Variants in AVEN observed in about 807,000 individuals in gnomAD.
AVEN encodes the protein cell death regulator Aven.
A neutral mutation model predicts 38.1 loss-of-function variants in AVEN; 41 were observed. The observed-to-expected ratio is 1.08, with a 90% CI of 0.84 to 1.40. The LOEUF is 1.40. AVEN is among the 40% of genes most tolerant of loss of function. AVEN has a pLI of 0.00. For missense variants in AVEN, 605 were observed against 438.8 expected, an observed-to-expected ratio of 1.38 and a Z score of -3.38; for synonymous variants, 206 against 171.8, an observed-to-expected ratio of 1.20 and a Z score of -1.56.
chr15:33,952,854 A>AAG (rs1299339980), intron 2 of AVEN, among the ~76,000 whole-genome samples: 1 of 150,642 alleles, frequency 6.6e-6, no homozygotes, highest in African/African-American at 2.4e-5. Flanking sequence ...TAAGAGGCTA[A>AAG]AGAGAAAAAA....
chr15:33,952,369 C>G (rs1158111060), intron 2 of AVEN, among the ~76,000 whole-genome samples: 1 of 152,158 alleles, frequency 6.6e-6, no homozygotes, highest in Non-Finnish European at 1.5e-5. Context: ...CTAAATCTAT[C>G]CTACTTTATC....
chr15:34,064,347 G>A (rs1052794967), intron 4 of AVEN: 4 of 1,583,944 alleles, frequency 2.5e-6, no homozygotes, highest in African/African-American at 1.4e-5. Flanking sequence ...AAAGAACAAT[G>A]ACCACAGTCA....
At chr15:34,049,519 A>T (rs1442524229) in intron 5 of AVEN, among the ~76,000 whole-genome samples, 3 of 152,224 alleles carry the variant, frequency 2.0e-5, no homozygotes, top group Admixed American at 6.5e-5. Context: ...AAAGAATGAA[A>T]AGGATCATGG....
At chr15:33,861,239 C>A, downstream of AVEN, 2 of 1,219,198 alleles carry the variant, frequency 1.6e-6, no homozygotes, top group South Asian at 2.6e-5. Context: ...CCAATTAGGT[C>A]ATATAGTTCA....
At chr15:34,064,187 C>T (rs375671129) in intron 4 of AVEN, 2 of 1,614,068 alleles carry the variant, frequency 1.2e-6, no homozygotes, top group African/African-American at 2.7e-5. Flanking sequence ...ATAGCACTGT[C>T]AACCCCATCT....
At chr15:33,865,788 T>G (rs888963924), downstream of AVEN, 1 of 153,080 alleles carries the variant, frequency 6.5e-6, no homozygotes, top group Non-Finnish European at 1.5e-5. Flanking sequence ...TAAAACCTCT[T>G]TAGACATAGC....
chr15:34,012,793 G>A (rs1453594635), intron 1 of AVEN, among the ~76,000 whole-genome samples: 1 of 152,124 alleles, frequency 6.6e-6, no homozygotes, highest in Non-Finnish European at 1.5e-5. Flanking sequence ...ACCTAGATAG[G>A]TCAAGCCTCT....
At chr15:33,967,006 G>A (rs1895413028) in intron 2 of AVEN, among the ~76,000 whole-genome samples, 1 of 152,062 alleles carries the variant, frequency 6.6e-6, no homozygotes, top group Admixed American at 6.5e-5. Flanking sequence ...TTAATAATCA[G>A]TGGCTTAAAA....
intron 4 of AVEN, chr15:34,065,214 T>G (rs1900478814): frequency 1.3e-5 from 2 of 152,598 alleles, no homozygotes; most frequent in South Asian, 4.1e-4. Flanking sequence ...ACTAATTGTG[T>G]AAGAGCCCTT....
intron 1 of AVEN, among the ~76,000 whole-genome samples, chr15:34,035,998 G>T (rs1465099284): frequency 6.6e-6 from 1 of 151,976 alleles, no homozygotes; most frequent in Non-Finnish European, 1.5e-5. Context: ...GTCTCGTTAT[G>T]TTGCCCAGTC....
chr15:33,860,980 A>G, intron 11 of AVEN: 1 of 985,060 alleles, frequency 1.0e-6, no homozygotes, highest in Non-Finnish European at 1.6e-6. Flanking sequence ...ATTAGAAAGA[A>G]AGTTTTCATT....
rs567305186 is a variant in AVEN at position 33,949,375 on chromosome 15, C to T, written c.445+53657G>A. On this transcript the variant is annotated intron_variant, in intron 2 of 5. Transcript: ENST00000306730. ...GGGGTCTATAGTTATCGTTAATTTACGCTATATTTCAAAATATCTATAAGA... is the reference window on the plus strand; with the variant it reads ...GGGGTCTATAGTTATCGTTAATTTATGCTATATTTCAAAATATCTATAAGA... 7.9e-5 allele frequency among the ~76,000 whole-genome samples: 12 copies of T among 152,268 alleles called. No homozygotes were observed. In the East Asian group the frequency reaches 1.2e-3, roughly 15 times the overall value.
At position 34,064,272 on chromosome 15, in the gene AVEN, G is replaced by A. The variant is rs771923772; in HGVS notation, n.1127-840C>T. 6 of 1,613,954 alleles carry A rather than the reference G, an allele frequency of 3.7e-6. No individual in the cohort carries two copies. In the Admixed American group the frequency reaches 8.3e-5, roughly 22 times the overall value. On this transcript the variant is annotated intron_variant and non_coding_transcript_variant, in intron 4 of 11. Transcript: ENST00000675287. ...TCTCTGCCGATGGAAAAAGAAAAAAGTGGAAGAGAAGTTGTACTGGCAGGG... is the reference window on the plus strand; with the variant it reads ...TCTCTGCCGATGGAAAAAGAAAAAAATGGAAGAGAAGTTGTACTGGCAGGG...
At chr15:33,865,295 G>A (rs1890132090), downstream of AVEN, 1 of 1,046,758 alleles carries the variant, frequency 9.6e-7, no homozygotes, top group South Asian at 1.4e-5. Flanking sequence ...CCTTTTTACA[G>A]TTCTGCAACA....
downstream of AVEN, among the ~76,000 whole-genome samples, chr15:33,855,453 C>G (rs532143627): frequency 6.6e-6 from 1 of 152,234 alleles, no homozygotes; most frequent in Non-Finnish European, 1.5e-5. Context: ...ATCCACCCGC[C>G]TCGGCCTCCC....
chr15:33,855,178 G>A (rs376216890), downstream of AVEN, among the ~76,000 whole-genome samples: 2 of 152,070 alleles, frequency 1.3e-5, no homozygotes, highest in East Asian at 1.9e-4. Context: ...GGGAGGTGAT[G>A]GACATGTCAG....
intron 2 of AVEN, among the ~76,000 whole-genome samples, chr15:33,955,287 A>G (rs1894913514): frequency 1.3e-5 from 2 of 152,216 alleles, no homozygotes; most frequent in African/African-American, 2.4e-5. Flanking sequence ...TCTAGATAGC[A>G]ACCAAATTGT....
At chr15:33,894,977 A>C (rs1892173935) in intron 2 of AVEN, among the ~76,000 whole-genome samples, 1 of 151,708 alleles carries the variant, frequency 6.6e-6, no homozygotes, top group South Asian at 2.1e-4. Context: ...TGGAAATTAA[A>C]CTTTGCACTA....
chr15:33,949,356 T>A (rs1477861525), intron 2 of AVEN, among the ~76,000 whole-genome samples: 1 of 152,210 alleles, frequency 6.6e-6, no homozygotes, highest in Admixed American at 6.5e-5. Flanking sequence ...GTAGGGGGTC[T>A]ATAGTTATCG....
Sources: allele counts gnomAD v4.1 joint callset (sites outside exome capture counted in the v4.1 genomes callset), GRCh38; gene constraint gnomAD v4.1.1; transcripts MANE v1.5; gene names NCBI Gene and HGNC (gene_info 2026-07-23, HGNC 2026-07-21).